TNKS: variants seen among roughly 807,000 people sequenced by gnomAD.
TNKS encodes tankyrase.
A neutral mutation model predicts 135.8 loss-of-function variants in TNKS; 72 were observed. The observed-to-expected ratio is 0.53, with a 90% CI of 0.44 to 0.64. TNKS has a LOEUF of 0.64. TNKS is among the 30% of genes least tolerant of loss of function. The pLI is 0.00. For synonymous variants in TNKS, 849 were observed against 649.3 expected (o/e 1.31, Z -4.68); for missense variants, 1,769 against 1,674.0 (o/e 1.06, Z -0.99).
chr8:9,557,391 CA>C (rs1815369173), intron 1 of TNKS: 1 of 143,136 alleles, frequency 7.0e-6, no homozygotes, highest in South Asian at 2.2e-4. Context: ...CTGGACCCCA[CA>C]CTTGTCTTTT....
intron 15 of TNKS, among the ~76,000 whole-genome samples, chr8:9,734,387 G>C (rs1805587602): frequency 6.6e-6 from 1 of 151,902 alleles, no homozygotes; most frequent in African/African-American, 2.4e-5. Context: ...TTAAGACTTA[G>C]GATAAAAATC....
intron 5 of TNKS, among the ~76,000 whole-genome samples, chr8:9,698,931 A>G (rs1452784280): frequency 1.3e-5 from 2 of 152,212 alleles, no homozygotes; most frequent in Non-Finnish European, 2.9e-5. Context: ...TGATATGAAG[A>G]TATCAGTGAT....
chr8:9,583,869 T>G lies in TNKS; in HGVS notation c.898+3486T>G, dbSNP rs1008779784. On this transcript the variant is annotated intron_variant, in intron 2 of 26. Transcript: ENST00000310430. Reference sequence around the variant, plus strand: ...AGCATACTTTTCATGGAGTCTGATATAAGATCTGGGAGTCGGAGGGTGCGG... The same window carrying G: ...AGCATACTTTTCATGGAGTCTGATAGAAGATCTGGGAGTCGGAGGGTGCGG... 3.9e-5 allele frequency among the ~76,000 whole-genome samples: 6 copies of G among 152,036 alleles called. No individual in the cohort carries two copies. In the South Asian group the frequency reaches 6.2e-4, roughly 16 times the overall value.
chr8:9,557,472 G>C (rs1815374043), intron 1 of TNKS: 1 of 150,046 alleles, frequency 6.7e-6, no homozygotes, highest in East Asian at 2.0e-4. Flanking sequence ...AAAATAAAGA[G>C]AACTGTAAAA....
chr8:9,593,885 T>A (rs2128755643), intron 2 of TNKS, among the ~76,000 whole-genome samples: 1 of 151,328 alleles, frequency 6.6e-6, no homozygotes, highest in East Asian at 1.9e-4. Context: ...TATTTATTAT[T>A]ATTATTATTA....
chr8:9,636,185 G>C (rs571068890), intron 3 of TNKS, among the ~76,000 whole-genome samples: 1 of 152,262 alleles, frequency 6.6e-6, no homozygotes, highest in Admixed American at 6.5e-5. Context: ...AAAGCACATG[G>C]GCAGATGATT....
At chr8:9,626,904 C>G (rs1326067026) in intron 3 of TNKS, among the ~76,000 whole-genome samples, 2 of 152,182 alleles carry the variant, frequency 1.3e-5, no homozygotes, top group Admixed American at 1.3e-4. Flanking sequence ...TTAGAATCTT[C>G]GAAGTCATGT....
In TNKS at chr8:9,756,953, CTTT is replaced by C. The variant is rs1480940610; in HGVS notation, c.3153+4332_3153+4334del. On this transcript the variant is annotated intron_variant, in intron 20 of 26. Coordinates refer to ENST00000310430, the MANE Select transcript of TNKS (RefSeq NM_003747.3). ...AAGACTTCCCAGGGCCTTTGGTATA[CTTT>C]TTTTGTTTTTGTTTGTTTTTTTTTG... Among the ~76,000 whole-genome samples, 5 of 151,712 alleles carry C rather than the reference CTTT, an allele frequency of 3.3e-5. No individual in the cohort carries two copies. In the South Asian group the frequency reaches 1.0e-3, roughly 32 times the overall value.
At chr8:9,744,201 TA>T (rs1806118796) in intron 17 of TNKS, among the ~76,000 whole-genome samples, 1 of 152,202 alleles carries the variant, frequency 6.6e-6, no homozygotes, top group African/African-American at 2.4e-5. Flanking sequence ...GTTCTTTATA[TA>T]ATAATGCCTT....
chr8:9,571,521 A>T (rs1250767359), intron 1 of TNKS, among the ~76,000 whole-genome samples: 1 of 151,946 alleles, frequency 6.6e-6, no homozygotes, highest in Non-Finnish European at 1.5e-5. Context: ...GCAGTGGTGC[A>T]ATCTTGGCTC....
intron 18 of TNKS, among the ~76,000 whole-genome samples, chr8:9,748,535 G>A (rs931227765): frequency 6.6e-6 from 1 of 152,138 alleles, no homozygotes; most frequent in Non-Finnish European, 1.5e-5. Flanking sequence ...GCATGTTATT[G>A]TAGAGCAACT....
rs1396364731 is a variant in TNKS, at chr8:9,766,232, T to A, written c.3554-7T>A. 2.5e-6 allele frequency: 4 copies of A among 1,594,562 alleles called. No individual in the cohort carries two copies. The African/African-American group carries it at 5.4e-5, about 21-fold the overall frequency. On this transcript the variant is annotated splice_polypyrimidine_tract_variant and splice_region_variant and intron_variant, in intron 24 of 26. Transcript: ENST00000310430. Reference sequence around the variant, plus strand: ...AAAAACGAATCTTTCTGTCTTCGTATTTCTAGGTTCTCCTTTCATTAATGC... The same window carrying A: ...AAAAACGAATCTTTCTGTCTTCGTAATTCTAGGTTCTCCTTTCATTAATGC...
intron 17 of TNKS, among the ~76,000 whole-genome samples, chr8:9,740,057 A>T (rs1278536973): frequency 0.06 from 247 of 4,138 alleles, no homozygotes; most frequent in African/African-American, 0.078. Flanking sequence ...GAGTATAATA[A>T]AAAAAAAAAA....
rs1307064828 is a variant in TNKS at position 9,735,182 on chromosome 8, A to C, written c.2533+98A>C. 2.4e-6 allele frequency: 3 copies of C among 1,253,860 alleles called. No individual in the cohort carries two copies. The East Asian group carries it at 7.5e-5, about 31-fold the overall frequency. The allele number at this position is 1,253,860 out of a possible 1,614,324, so 77.7% of individuals were successfully genotyped here. ...AGCCATGCTGAACACAAATGGGACTACTTAGTAAAATGCTCTTGATTGACA... is the reference window on the plus strand; with the variant it reads ...AGCCATGCTGAACACAAATGGGACTCCTTAGTAAAATGCTCTTGATTGACA... On this transcript the variant is annotated intron_variant, in intron 16 of 26. Transcript: ENST00000310430.
intron 2 of TNKS, among the ~76,000 whole-genome samples, chr8:9,596,642 G>A (rs1417037427): frequency 6.6e-6 from 1 of 152,196 alleles, no homozygotes; most frequent in Non-Finnish European, 1.5e-5. Flanking sequence ...TTCCCACTGT[G>A]TAGCCAAAGA....
At position 9,767,938 on chromosome 8, in the gene TNKS, G is replaced by A. The variant is rs374236842; in HGVS notation, c.3740+1513G>A. 1.8e-4 allele frequency among the ~76,000 whole-genome samples: 25 copies of A among 138,972 alleles called. 1 individual carries two copies. The highest frequency in any genetic ancestry group is 6.7e-4 in the South Asian group (3 of 4,448). The allele number at this position is 138,972 out of a possible 152,430, so 91.2% of individuals were successfully genotyped here. On this transcript the variant is annotated intron_variant, in intron 25 of 26. Coordinates refer to ENST00000310430, the MANE Select transcript of TNKS (RefSeq NM_003747.3). Reference sequence around the variant, plus strand: ...CGCGCCACTGCACTCCAGCCTGGGCGACAGAGAGAGACTCCGTCTCAAAAA... The same window carrying A: ...CGCGCCACTGCACTCCAGCCTGGGCAACAGAGAGAGACTCCGTCTCAAAAA...
intron 3 of TNKS, among the ~76,000 whole-genome samples, chr8:9,655,653 C>A (rs1193300335): frequency 2.6e-5 from 4 of 152,176 alleles, no homozygotes; most frequent in Non-Finnish European, 5.9e-5. Flanking sequence ...GGACCTCCAG[C>A]AAACTCCAAC....
Position 9,662,786 on chromosome 8 carries a change from A to G in TNKS, c.995-17165A>G, listed in dbSNP as rs138163016. 5.2e-4 allele frequency among the ~76,000 whole-genome samples: 79 copies of G among 152,336 alleles called. 1 individual carries two copies. In the East Asian group the frequency reaches 5.6e-3, roughly 11 times the overall value. ...AAAAAAAGTATGTACTTTTCATTCA[A>G]TGAAAGAGCAGTATTTGAGAGGCAT... On this transcript the variant is annotated intron_variant, in intron 3 of 26. Transcript: ENST00000310430.
chr8:9,771,258 GAAGT>G (rs1807821299), intron 26 of TNKS, among the ~76,000 whole-genome samples: 1 of 131,554 alleles, frequency 7.6e-6, no homozygotes, highest in African/African-American at 2.9e-5. Context: ...AGGGAGGAAG[GAAGT>G]GAGGGAGGAA....
Sources: allele counts gnomAD v4.1 joint callset (sites outside exome capture counted in the v4.1 genomes callset), GRCh38; gene constraint gnomAD v4.1.1; transcripts MANE v1.5; gene names NCBI Gene and HGNC (gene_info 2026-07-23, HGNC 2026-07-21).